The following IMMP2L variants were observed in gnomAD, a reference collection of about 807,000 sequenced individuals.
The protein encoded by IMMP2L is mitochondrial inner membrane protease subunit 2.
Under a neutral mutation model 19.3 loss-of-function variants are expected in IMMP2L, and 18 were observed. The observed-to-expected ratio is 0.93, with a 90% confidence interval of 0.64 to 1.38. The LOEUF is 1.38. Among genes scored for constraint, IMMP2L ranks in the 40% most tolerant of loss-of-function variants. IMMP2L has a pLI of 0.00. For synonymous variants in IMMP2L, 76 were observed against 73.0 expected, an observed-to-expected ratio of 1.04 and a Z score of -0.21; for missense variants, 233 against 218.2, an observed-to-expected ratio of 1.07 and a Z score of -0.43.
At position 111,149,376 on chromosome 7, in the gene IMMP2L, G is replaced by A. The variant is rs186654271; in HGVS notation, c.240-185811C>T. Reference sequence around the variant, plus strand: ...AGAGCAGAAAAAAGTAATATGGTTGGCCCTTGAACAACGTGGGGTTTAGGG... The same window carrying A: ...AGAGCAGAAAAAAGTAATATGGTTGACCCTTGAACAACGTGGGGTTTAGGG... On this transcript the variant is annotated intron_variant, in intron 3 of 5. Transcript: ENST00000405709. Among the ~76,000 whole-genome samples, 61 of 152,214 alleles carry A rather than the reference G, an allele frequency of 4.0e-4. No individual in the cohort carries two copies. In the East Asian group the frequency reaches 0.011, roughly 28 times the overall value.
chr7:111,446,174 G>C (rs1442887696), intron 3 of IMMP2L, among the ~76,000 whole-genome samples: 1 of 152,212 alleles, frequency 6.6e-6, no homozygotes, highest in East Asian at 1.9e-4. Context: ...AAACAAAGCA[G>C]CCTGGAAGCT....
At chr7:111,011,398 TAAAGAAA>T (rs1824939043) in intron 3 of IMMP2L, among the ~76,000 whole-genome samples, 1 of 152,092 alleles carries the variant, frequency 6.6e-6, no homozygotes, top group African/African-American at 2.4e-5. Flanking sequence ...GTGTTATTAT[TAAAGAAA>T]AAAGTACCCA....
chr7:110,804,066 T>C (rs535560270), intron 5 of IMMP2L, among the ~76,000 whole-genome samples: 18 of 152,104 alleles, frequency 1.2e-4, no homozygotes, highest in Non-Finnish European at 2.4e-4. Flanking sequence ...ATACTCTACA[T>C]CTAACTTCTT....
intron 5 of IMMP2L, among the ~76,000 whole-genome samples, chr7:110,738,579 C>A (rs180708378): frequency 6.6e-6 from 1 of 152,180 alleles, no homozygotes. Context: ...CTATGTTAAA[C>A]GTCCAAACCT....
intron 3 of IMMP2L, among the ~76,000 whole-genome samples, chr7:111,165,909 T>C (rs1404053610): frequency 6.6e-6 from 1 of 152,102 alleles, no homozygotes. Context: ...TTAATATTAA[T>C]GATTGCTCTC....
At chr7:111,203,649 T>G (rs1810397081) in intron 3 of IMMP2L, among the ~76,000 whole-genome samples, 1 of 151,324 alleles carries the variant, frequency 6.6e-6, no homozygotes, top group Admixed American at 6.6e-5. Context: ...CTTGTTCTGC[T>G]TCTATCACCA....
chr7:110,983,436 G>A (rs901336177), intron 3 of IMMP2L, among the ~76,000 whole-genome samples: 3 of 151,950 alleles, frequency 2.0e-5, no homozygotes, highest in African/African-American at 7.2e-5. Context: ...AAGTTCACTT[G>A]AGAAATCACT....
chr7:111,281,203 AAAGAAAG>A (rs1819780766), intron 3 of IMMP2L, among the ~76,000 whole-genome samples: 1 of 45,246 alleles, frequency 2.2e-5, no homozygotes, highest in Non-Finnish European at 4.8e-5. Flanking sequence ...AGAAAGAAAG[AAAGAAAG>A]AAAGAAAAAG....
Position 111,286,674 on chromosome 7 carries a change from A to G in IMMP2L, c.239+200564T>C, listed in dbSNP as rs1584459523. Among the ~76,000 whole-genome samples, 3 of 152,130 alleles carry G rather than the reference A, an allele frequency of 2.0e-5. No homozygotes were observed. In the South Asian group the frequency reaches 6.2e-4, roughly 32 times the overall value. ...ATTCTCTGTTGTCAATTAAGGGCAT[A>G]TTGAACTTAGAGAATTAGCAGATTA... On this transcript the variant is annotated intron_variant, in intron 3 of 5. Coordinates refer to ENST00000405709, the MANE Select transcript of IMMP2L (RefSeq NM_032549.4).
intron 3 of IMMP2L, among the ~76,000 whole-genome samples, chr7:110,989,150 G>C (rs899109102): frequency 1.3e-5 from 2 of 152,098 alleles, no homozygotes; most frequent in African/African-American, 2.4e-5. Context: ...CAGGAGAATC[G>C]CTTGAAACTG....
In IMMP2L at chr7:110,779,641, A is replaced by G. The variant is rs550068318; in HGVS notation, c.408+106952T>C. ...GGAACAGACAGATGGCTTATCTAGT[A>G]CTTCCCAACTTTTACGGTAAGCAAG... is the stretch of plus-strand genomic sequence containing the variant. On this transcript the variant is annotated intron_variant, in intron 5 of 5. Transcript: ENST00000405709. 6.6e-5 allele frequency among the ~76,000 whole-genome samples: 10 copies of G among 152,062 alleles called. No homozygotes were observed. In the East Asian group the frequency reaches 1.9e-3, roughly 30 times the overall value.
intron 5 of IMMP2L, among the ~76,000 whole-genome samples, chr7:110,773,339 T>G (rs1275921015): frequency 7.2e-5 from 11 of 152,164 alleles, no homozygotes; most frequent in Admixed American, 7.2e-4. Flanking sequence ...CCTAATTGGC[T>G]GAGACACAGC....
intron 4 of IMMP2L, among the ~76,000 whole-genome samples, chr7:110,956,265 AT>A (rs1484714329): frequency 6.6e-6 from 1 of 152,048 alleles, no homozygotes; most frequent in Non-Finnish European, 1.5e-5. Context: ...AAGACTCATG[AT>A]TCTCTATTTC....
chr7:111,004,316 C>T (rs566327856), intron 3 of IMMP2L, among the ~76,000 whole-genome samples: 15 of 152,248 alleles, frequency 9.9e-5, no homozygotes, highest in East Asian at 1.9e-4. Flanking sequence ...TGTACCATCA[C>T]GCCTGGCTAA....
At chr7:111,171,912 G>A (rs1194112892) in intron 3 of IMMP2L, among the ~76,000 whole-genome samples, 4 of 74,044 alleles carry the variant, frequency 5.4e-5, no homozygotes, top group Non-Finnish European at 1.6e-4. Context: ...TAAGTAATAA[G>A]ATGTGGTTAG....
At chr7:111,464,554 T>C (rs965675359) in intron 3 of IMMP2L, among the ~76,000 whole-genome samples, 2 of 152,188 alleles carry the variant, frequency 1.3e-5, no homozygotes, top group Admixed American at 6.5e-5. Flanking sequence ...TTACTTACAT[T>C]AATTTTTTAA....
chr7:111,363,622 T>C (rs756988065), intron 3 of IMMP2L, among the ~76,000 whole-genome samples: 7 of 152,060 alleles, frequency 4.6e-5, no homozygotes, highest in Non-Finnish European at 8.8e-5. Context: ...TCTAGCTGAT[T>C]TGTCTGCCTA....
At chr7:110,984,748 A>G (rs571229408) in intron 3 of IMMP2L, among the ~76,000 whole-genome samples, 1 of 152,214 alleles carries the variant, frequency 6.6e-6, no homozygotes, top group East Asian at 1.9e-4. Context: ...ACAAAAATCA[A>G]TAATATTTTC....
At chr7:111,382,939 G>A (rs1831347105) in intron 3 of IMMP2L, among the ~76,000 whole-genome samples, 1 of 152,050 alleles carries the variant, frequency 6.6e-6, no homozygotes, top group Non-Finnish European at 1.5e-5. Context: ...AATATTTATA[G>A]CAAATATTCG....
Sources: gnomAD v4.1 joint callset for allele counts (sites outside exome capture counted in the v4.1 genomes callset) on GRCh38, gnomAD v4.1.1 for gene constraint, MANE v1.5 for transcripts, NCBI Gene and HGNC (gene_info 2026-07-23, HGNC 2026-07-21) for gene names.